The following MLC1 variants were observed in gnomAD, a reference collection of about 807,000 sequenced individuals.
MLC1 encodes the protein membrane protein MLC1.
Under a neutral mutation model 44.7 loss-of-function variants are expected in MLC1, and 32 were observed. That is an observed-to-expected ratio of 0.72 (90% CI 0.54 to 0.96). The LOEUF (loss-of-function observed/expected upper bound fraction) is 0.96, where lower values mean the gene tolerates loss of function less well. Among genes scored for constraint, MLC1 ranks in the 40% least tolerant of loss-of-function variants. The pLI is 0.00. For synonymous variants in MLC1, 190 were observed against 213.0 expected, an observed-to-expected ratio of 0.89 and a Z score of 0.94; for missense variants, 459 against 492.2, an observed-to-expected ratio of 0.93 and a Z score of 0.64.
At chr22:50,062,227 G>A (rs1311347198) in intron 11 of MLC1, among the ~76,000 whole-genome samples, 6 of 116,600 alleles carry the variant, frequency 5.1e-5, no homozygotes, top group South Asian at 3.1e-4. Flanking sequence ...AGCCCCAGCC[G>A]CCCACCCTGA....
In MLC1 at chr22:50,064,186, C is replaced by G. The variant is rs375720249; in HGVS notation, c.907G>C (p.Val303Leu). ...ACTAGCAGCAGCAGCAGCAGCAGCACATCGTAGGATGGCTGCAGGCGGAAG... is the reference window on the plus strand; with the variant it reads ...ACTAGCAGCAGCAGCAGCAGCAGCAGATCGTAGGATGGCTGCAGGCGGAAG... ...YPPAIKPSYD[V>L]LLLLLLLVLL... The change falls in exon 11 of 12, where the codon GTG (valine) becomes CTG (leucine). Residue 303 changes from valine to leucine, a missense_variant. By Grantham distance (32) the Val-to-Leu change is conservative. Coordinates refer to ENST00000311597, the MANE Select transcript of MLC1 (RefSeq NM_015166.4). 5 of 1,599,662 alleles carry G rather than the reference C, an allele frequency of 3.1e-6. No homozygotes were observed. Among genetic ancestry groups the G allele is most frequent in the Non-Finnish European group, 4.2e-6 (5 of 1,178,226 alleles).
rs922858243 is a variant in MLC1, at chr22:50,061,356, C to A, written c.*227G>T. 1 of 587,172 alleles carries A rather than the reference C, an allele frequency of 1.7e-6. No homozygotes were observed. Among genetic ancestry groups the A allele is most frequent in the Admixed American group, 2.8e-5 (1 of 36,116 alleles). 36.4% of individuals were successfully genotyped at this position (587,172 alleles called of 1,614,324 possible). ...CGGCCATGCTCCTGCTGTTACGACA[C>A]GGGAGCCACTCGGAGCTGACTGATC... On this transcript the variant is annotated 3_prime_UTR_variant, in exon 12 of 12. Coordinates refer to ENST00000311597, the MANE Select transcript of MLC1 (RefSeq NM_015166.4).
intron 4 of MLC1, 105 bp downstream of exon 4, chr22:50,080,239 C>A (rs1358709707): frequency 7.0e-7 from 1 of 1,425,522 alleles, no homozygotes; most frequent in Non-Finnish European, 9.6e-7. Flanking sequence ...CCTCTCGGTG[C>A]CACAACGTCT....
intron 5 of MLC1, among the ~76,000 whole-genome samples, chr22:50,079,317 T>G (rs2062058672): frequency 6.6e-6 from 1 of 150,724 alleles, no homozygotes; most frequent in South Asian, 2.1e-4. Context: ...AAAGGCAGTG[T>G]GGGTGTTCCC....
chr22:50,071,271 T>C (rs975195695), intron 8 of MLC1, among the ~76,000 whole-genome samples: 1 of 152,148 alleles, frequency 6.6e-6, no homozygotes, highest in African/African-American at 2.4e-5. Context: ...TTTGTATTTT[T>C]AGTAGAGACG....
chr22:50,076,929 C>G lies in MLC1; in HGVS notation c.526-17G>C, dbSNP rs376188241. ...CATGGAGCCCTACGAAGAAACAGAA[C>G]TGTCACCCCGGGTGCACGGGCACAG... is the stretch of plus-strand genomic sequence containing the variant. On this transcript the variant is annotated splice_polypyrimidine_tract_variant and intron_variant, in intron 6 of 11. Coordinates refer to ENST00000311597, the MANE Select transcript of MLC1 (RefSeq NM_015166.4). 1.9e-6 allele frequency: 3 copies of G among 1,613,794 alleles called. No individual in the cohort carries two copies. Among genetic ancestry groups the G allele is most frequent in the Non-Finnish European group, 2.5e-6 (3 of 1,179,856 alleles).
chr22:50,076,459 G>A (rs913746013), intron 7 of MLC1, among the ~76,000 whole-genome samples: 7 of 152,072 alleles, frequency 4.6e-5, no homozygotes, highest in Non-Finnish European at 8.8e-5. Context: ...GGAGGCTGAG[G>A]CAGGAGAATT....
intron 7 of MLC1, among the ~76,000 whole-genome samples, chr22:50,076,006 A>G (rs1045400258): frequency 2.0e-5 from 3 of 152,212 alleles, no homozygotes; most frequent in Non-Finnish European, 2.9e-5. Flanking sequence ...ATCCAAAATT[A>G]GAGGGAAAAG....
chr22:50,070,564 G>A lies in MLC1; in HGVS notation c.734C>T (p.Ala245Val), dbSNP rs1280709060. 1.9e-6 allele frequency: 3 copies of A among 1,565,328 alleles called. No homozygotes were observed. Among genetic ancestry groups the A allele is most frequent in the Non-Finnish European group, 2.6e-6 (3 of 1,154,084 alleles). The change falls in exon 9 of 12, where the codon GCC becomes GTC. Residue 245 changes from alanine to valine, a missense_variant. By Grantham distance (64) the Ala-to-Val change is moderately conservative (BLOSUM62 0). Coordinates refer to ENST00000311597, the MANE Select transcript of MLC1 (RefSeq NM_015166.4). ...GGGACACTCTGCTGCCACATGACTGGCAATGGCACTTGGAAAGCACTAAGA... is the reference window on the plus strand; with the variant it reads ...GGGACACTCTGCTGCCACATGACTGACAATGGCACTTGGAAAGCACTAAGA... ...ILVACFPSAIASHVAAECPSK... is the reference protein window; with the variant it reads ...ILVACFPSAIVSHVAAECPSK...
At position 50,064,346 on chromosome 22, in the gene MLC1, C is replaced by A. The variant is rs1212389085; in HGVS notation, c.895-148G>T. ...TAACCCAAACGCATTGCTATTTCAACAACCTGATGATAATCATTCTAGCTC... is the reference window on the plus strand; with the variant it reads ...TAACCCAAACGCATTGCTATTTCAAAAACCTGATGATAATCATTCTAGCTC... On this transcript the variant is annotated intron_variant, in intron 10 of 11. Transcript: ENST00000311597. The A allele has an allele frequency of 4.6e-6, 4 of 876,140 alleles. No individual in the cohort carries two copies. In the East Asian group the frequency reaches 1.1e-4, roughly 23 times the overall value. 54.3% of individuals were successfully genotyped at this position (876,140 alleles called of 1,614,324 possible).
At chr22:50,070,639 C>A (rs2061828866) in intron 8 of MLC1, 56 bp from the exon 9 acceptor site, 2 of 1,517,944 alleles carry the variant, frequency 1.3e-6, no homozygotes, top group Non-Finnish European at 1.8e-6. Flanking sequence ...AAGTCGAATT[C>A]CAAACATGTG....
At position 50,083,396 on chromosome 22, in the gene MLC1, G is replaced by A. The variant is rs368746597; in HGVS notation, c.178-223C>T. Among the ~76,000 whole-genome samples, 4 of 152,140 alleles carry A rather than the reference G, an allele frequency of 2.6e-5. No homozygotes were observed. The highest frequency in any genetic ancestry group is 2.0e-4 in the Admixed American group (3 of 15,282). On this transcript the variant is annotated intron_variant, in intron 2 of 11. Transcript: ENST00000311597. The surrounding 1 kb of genome is among the most constrained non-coding windows in gnomAD (Gnocchi z 4.6). The stretch of plus-strand genomic sequence containing the variant: ...TGGACCAGCCTCCCCCAGCCATGTC[G>A]GAGCATGGACCCCCCACGCTGTTAT...
intron 8 of MLC1, among the ~76,000 whole-genome samples, chr22:50,071,316 T>G (rs887042086): frequency 6.6e-6 from 1 of 152,180 alleles, no homozygotes; most frequent in African/African-American, 2.4e-5. Context: ...GGTCTCGAAC[T>G]CCTGACCTCA....
intron 3 of MLC1, among the ~76,000 whole-genome samples, 174 bp downstream of exon 3, chr22:50,082,910 C>A (rs548902940): frequency 2.0e-5 from 3 of 152,306 alleles, no homozygotes; most frequent in African/African-American, 7.2e-5. Flanking sequence ...GGTGATCCAC[C>A]CACCTCCACC....
In MLC1 at chr22:50,074,263, C is replaced by T. The variant is rs774858564; in HGVS notation, c.667G>A (p.Val223Ile). The change falls in exon 8 of 12, where the codon GTT (valine) becomes ATT (isoleucine). Residue 223 changes from valine (V) to isoleucine (I), a missense_variant. Transcript: ENST00000311597. Reference sequence around the variant, plus strand: ...GTCACTGAGAGGTGTGGGCCTGAAACTGAGTCATCCACGTTCAGGGCAATG... The same window carrying T: ...GTCACTGAGAGGTGTGGGCCTGAAATTGAGTCATCCACGTTCAGGGCAATG... ...GIIALNVDDS[V>I]SGPHLSVTFF... is the part of the protein sequence containing the mutation. The T allele has an allele frequency of 2.5e-6, 4 of 1,614,088 alleles. No homozygotes were observed. Among genetic ancestry groups the T allele is most frequent in the African/African-American group, 2.7e-5 (2 of 75,068 alleles).
chr22:50,078,632 G>A (rs185161194), intron 5 of MLC1, among the ~76,000 whole-genome samples: 4 of 151,474 alleles, frequency 2.6e-5, no homozygotes, highest in Non-Finnish European at 5.9e-5. Flanking sequence ...CCAGCTACTC[G>A]GGAGGCTGAG....
intron 3 of MLC1, among the ~76,000 whole-genome samples, chr22:50,082,750 C>T (rs564714124): frequency 2.6e-5 from 4 of 152,262 alleles, no homozygotes; most frequent in South Asian, 2.1e-4. Flanking sequence ...CTGCAACCTC[C>T]GCCTCCCAGG....
At position 50,081,506 on chromosome 22, in the gene MLC1, G is replaced by A. The variant is rs578122676; in HGVS notation, c.268-1109C>T. Among the ~76,000 whole-genome samples the A allele has an allele frequency of 1.9e-3, 292 of 152,378 alleles. 1 individual carries two copies. The highest frequency in any genetic ancestry group is 2.7e-3 in the East Asian group (14 of 5,188). ...ACCAAGGCTAGGAGTCCAGGGCCAGGGAGGGAGGTTGGGACGTCAGGGACA... is the reference window on the plus strand; with the variant it reads ...ACCAAGGCTAGGAGTCCAGGGCCAGAGAGGGAGGTTGGGACGTCAGGGACA... On this transcript the variant is annotated intron_variant, in intron 3 of 11. Transcript: ENST00000311597.
At chr22:50,067,476 CCATCAGGCAGTGACTCTATCCCCT>C in intron 10 of MLC1, among the ~76,000 whole-genome samples, 1 of 125,730 alleles carries the variant, frequency 8.0e-6, no homozygotes, top group Non-Finnish European at 1.7e-5. Context: ...CTCCATCCCC[CCATCAGGCAGTGACTCTATCCCCT>C]GTCAGGCAGT....
Sources: gnomAD v4.1 joint callset for allele counts (sites outside exome capture counted in the v4.1 genomes callset) on GRCh38, gnomAD v4.1.1 for gene constraint, Gnocchi (gnomAD v3.1) non-coding constraint, MANE v1.5 for transcripts, NCBI Gene and HGNC (gene_info 2026-07-23, HGNC 2026-07-21) for gene names.